VCL: variants seen among roughly 807,000 people sequenced by gnomAD.
The protein encoded by VCL is vinculin.
VCL carries 47 observed loss-of-function variants against 125.7 expected under a neutral mutation model. The observed-to-expected ratio is 0.37, with a 90% CI of 0.30 to 0.48. The LOEUF is 0.48. Among genes scored for constraint, VCL ranks in the 20% least tolerant of loss-of-function variants. VCL has a pLI of 0.99. For missense variants in VCL, 1,069 were observed against 1,455.5 expected (o/e 0.73, Z 4.32); for synonymous variants, 458 against 514.6 (o/e 0.89, Z 1.49).
rs150993814 is a variant in VCL at position 74,090,142 on chromosome 10, A to G, written c.1296A>G (p.Leu432=). Residue 432 remains leucine (L), a synonymous_variant, in exon 10 of 22, where the codon CTA becomes CTG. Transcript: ENST00000211998. Reference sequence around the variant, plus strand: ...ATCCTAAAGAAAGAGATGACATTCTACGTTCCCTTGGGGAAATATCTGCTC... The same window carrying G: ...ATCCTAAAGAAAGAGATGACATTCTGCGTTCCCTTGGGGAAATATCTGCTC... ...CDDPKERDDI[L]RSLGEISALT... is the part of the protein sequence containing the mutation. 65 of 1,614,106 alleles carry G rather than the reference A, an allele frequency of 4.0e-5. No homozygotes were observed. The African/African-American group carries it at 7.7e-4, about 19-fold the overall frequency.
At chr10:74,046,935 T>C (rs1841205439) in intron 2 of VCL, among the ~76,000 whole-genome samples, 1 of 152,148 alleles carries the variant, frequency 6.6e-6, no homozygotes, top group African/African-American at 2.4e-5. Flanking sequence ...TTCAAAAAAT[T>C]TGGTCACTTT....
Position 74,109,162 on chromosome 10 carries a change from T to A in VCL, c.2745+6T>A, listed in dbSNP as rs1840181970. ...CTCGCAAATGGTCCAGCAAGGTAAG[T>A]AGTGAAGCTTTTCTTGTTGAGAAAG... On this transcript the variant is annotated splice_donor_region_variant and intron_variant, in intron 18 of 21. Transcript: ENST00000211998. 5 of 1,613,844 alleles carry A rather than the reference T, an allele frequency of 3.1e-6. No individual in the cohort carries two copies. The highest frequency in any genetic ancestry group is 4.2e-6 in the Non-Finnish European group (5 of 1,179,956).
rs2136225905 is a variant in VCL at position 74,009,599 on chromosome 10, C to T, written c.168+11224C>T. On this transcript the variant is annotated intron_variant, in intron 1 of 21. Transcript: ENST00000211998. ...TTGGGAATTGTTATGGAAAGGAAAG[C>T]TGTCTTACCTTATTTATTAATTATT... 1.3e-5 allele frequency among the ~76,000 whole-genome samples: 2 copies of T among 151,780 alleles called. 1 individual carries two copies. Among genetic ancestry groups the T allele is most frequent in the South Asian group, 4.2e-4 (2 of 4,804 alleles).
At position 74,090,121 on chromosome 10, in the gene VCL, T is replaced by C. The variant is rs397517233; in HGVS notation, c.1275T>C (p.Pro425=). The part of the protein sequence containing the change: ...ARKIAELCDD[P]KERDDILRSL... ...AAATAGCAGAATTATGTGATGATCC[T>C]AAAGAAAGAGATGACATTCTACGTT... Residue 425 remains proline (P), a synonymous_variant, in exon 10 of 22, where the codon CCT becomes CCC. Transcript: ENST00000211998. The C allele has an allele frequency of 6.2e-7, 1 of 1,614,208 alleles. No individual in the cohort carries two copies. Among genetic ancestry groups the C allele is most frequent in the Non-Finnish European group, 8.5e-7 (1 of 1,180,026 alleles).
chr10:74,028,639 C>T (rs1591659835), intron 1 of VCL, among the ~76,000 whole-genome samples: 1 of 152,088 alleles, frequency 6.6e-6, no homozygotes, highest in Non-Finnish European at 1.5e-5. Context: ...TCAGGTGATC[C>T]ACTCACCTTG....
intron 6 of VCL, among the ~76,000 whole-genome samples, chr10:74,081,255 C>T (rs916652417): frequency 4.6e-5 from 7 of 152,112 alleles, no homozygotes; most frequent in Non-Finnish European, 7.3e-5. Context: ...GGAGGGATTC[C>T]GACAGTTGAG....
chr10:74,095,625 T>G (rs754206893), intron 11 of VCL, 31 bp from the exon 12 acceptor site: 2 of 1,612,660 alleles, frequency 1.2e-6, no homozygotes, highest in African/African-American at 1.3e-5. Context: ...CTCTGGGTCT[T>G]GTAAGTTTCA....
chr10:74,108,551 C>T (rs1489045714), intron 17 of VCL, among the ~76,000 whole-genome samples: 3 of 151,960 alleles, frequency 2.0e-5, no homozygotes, highest in Non-Finnish European at 2.9e-5. Context: ...ATGATCTCAG[C>T]TCACGGCAAC....
chr10:74,063,662 A>G (rs144323619), intron 2 of VCL: 14 of 152,290 alleles, frequency 9.2e-5, no homozygotes, highest in African/African-American at 2.4e-4. Flanking sequence ...TCAAACAAAA[A>G]CTGATACATT....
intron 14 of VCL, 80 bp downstream of exon 14, chr10:74,101,177 T>A: frequency 1.3e-6 from 2 of 1,544,796 alleles, no homozygotes; most frequent in Non-Finnish European, 8.8e-7. Context: ...TTTTGAATAC[T>A]TACCGTAAGA....
At chr10:74,084,411 C>T (rs1839734200) in intron 8 of VCL, among the ~76,000 whole-genome samples, 1 of 151,808 alleles carries the variant, frequency 6.6e-6, no homozygotes, top group Non-Finnish European at 1.5e-5. Context: ...CCTGCCTTAA[C>T]CTCCCAAGTA....
intron 1 of VCL, among the ~76,000 whole-genome samples, chr10:74,028,448 G>C (rs1840814146): frequency 1.3e-5 from 2 of 148,824 alleles, no homozygotes; most frequent in African/African-American, 5.0e-5. Flanking sequence ...CCAGGTTGGA[G>C]TGCAATGGCG....
intron 2 of VCL, among the ~76,000 whole-genome samples, chr10:74,047,596 A>G (rs1206975769): frequency 6.6e-6 from 1 of 152,208 alleles, no homozygotes; most frequent in East Asian, 1.9e-4. Flanking sequence ...TAAAGGCTAA[A>G]ATATTTAAAC....
intron 1 of VCL, among the ~76,000 whole-genome samples, chr10:74,005,754 A>G (rs946194112): frequency 3.9e-4 from 59 of 152,310 alleles, no homozygotes; most frequent in Middle Eastern, 3.4e-3. Context: ...TAACCTATGC[A>G]CATCCTCCTG....
intron 10 of VCL, among the ~76,000 whole-genome samples, chr10:74,091,324 C>A (rs2131910450): frequency 6.6e-6 from 1 of 152,262 alleles, no homozygotes; most frequent in South Asian, 2.1e-4. Flanking sequence ...CATGTGTGGT[C>A]ATTCATGCCA....
intron 2 of VCL, among the ~76,000 whole-genome samples, chr10:74,052,794 T>C (rs1424065518): frequency 6.6e-6 from 1 of 151,968 alleles, no homozygotes; most frequent in African/African-American, 2.4e-5. Context: ...TTTAATGCCC[T>C]TTCTTTCTGT....
intron 2 of VCL, among the ~76,000 whole-genome samples, chr10:74,048,435 C>A (rs919473596): frequency 4.0e-5 from 6 of 150,928 alleles, no homozygotes; most frequent in Non-Finnish European, 5.9e-5. Context: ...GCCATGCATT[C>A]CAGCCTGGGC....
At chr10:74,100,739 AT>A (rs1200643973) in intron 13 of VCL, among the ~76,000 whole-genome samples, 5 of 152,212 alleles carry the variant, frequency 3.3e-5, no homozygotes, top group Non-Finnish European at 7.4e-5. Context: ...GTTTGTGTGC[AT>A]TTGCACATGA....
chr10:74,092,000 C>T (rs776025208), intron 10 of VCL, among the ~76,000 whole-genome samples: 14 of 151,994 alleles, frequency 9.2e-5, no homozygotes, highest in East Asian at 1.9e-4. Context: ...CCTCCGCTTG[C>T]CAAGTTCAAG....
Sources: gnomAD v4.1 joint callset for allele counts (sites outside exome capture counted in the v4.1 genomes callset) on GRCh38, gnomAD v4.1.1 for gene constraint, MANE v1.5 for transcripts, NCBI Gene and HGNC (gene_info 2026-07-23, HGNC 2026-07-21) for gene names.